CADPS2: variants seen among roughly 807,000 people sequenced by gnomAD.
CADPS2 encodes the protein calcium-dependent secretion activator 2.
CADPS2 carries 93 observed loss-of-function variants against 172.5 expected under a neutral mutation model. The observed-to-expected ratio is 0.54, with a 90% CI of 0.46 to 0.64. The LOEUF (loss-of-function observed/expected upper bound fraction) is 0.64. CADPS2 is among the 30% of genes least tolerant of loss of function. CADPS2 has a pLI of 0.00. For missense variants in CADPS2, 1,420 were observed against 1,565.9 expected (o/e 0.91, Z 1.57); for synonymous variants, 546 against 555.2 (o/e 0.98, Z 0.23).
At chr7:122,444,943 G>A (rs997402431) in intron 15 of CADPS2, among the ~76,000 whole-genome samples, 1 of 152,062 alleles carries the variant, frequency 6.6e-6, no homozygotes, top group East Asian at 1.9e-4. Context: ...TTATGGGTGA[G>A]GTATGAATTG....
chr7:122,500,348 T>C (rs1345339857), intron 9 of CADPS2, among the ~76,000 whole-genome samples: 1 of 152,196 alleles, frequency 6.6e-6, no homozygotes, highest in South Asian at 2.1e-4. Flanking sequence ...TTCAATTCAG[T>C]AAATATTCTG....
intron 25 of CADPS2, 54 bp downstream of exon 25, chr7:122,379,314 C>A (rs1280976545): frequency 3.6e-6 from 4 of 1,102,400 alleles, no homozygotes; most frequent in Non-Finnish European, 5.3e-6. Flanking sequence ...TTAAAAAATT[C>A]TCCATTGACA....
At chr7:122,632,078 A>G (rs892703140) in intron 3 of CADPS2, among the ~76,000 whole-genome samples, 5 of 152,132 alleles carry the variant, frequency 3.3e-5, no homozygotes, top group Admixed American at 3.3e-4. Flanking sequence ...ATGTATATAT[A>G]AAATATTTTC....
intron 1 of CADPS2, among the ~76,000 whole-genome samples, chr7:122,834,483 G>A (rs1306436664): frequency 6.6e-6 from 1 of 152,126 alleles, no homozygotes; most frequent in Non-Finnish European, 1.5e-5. Context: ...GAAGCAGGGT[G>A]AGGCAATGCC....
chr7:122,694,325 A>G (rs1040515538), intron 2 of CADPS2, among the ~76,000 whole-genome samples: 13 of 152,184 alleles, frequency 8.5e-5, no homozygotes, highest in African/African-American at 2.9e-4. Flanking sequence ...ATGCAGAGGG[A>G]ATTCTGAAAA....
At chr7:122,558,714 A>G (rs142383162) in intron 7 of CADPS2, among the ~76,000 whole-genome samples, 1 of 152,314 alleles carries the variant, frequency 6.6e-6, no homozygotes, top group Non-Finnish European at 1.5e-5. Context: ...AGAAATGTTT[A>G]GAGTGATATG....
At chr7:122,395,197 T>C (rs556757202) in intron 20 of CADPS2, among the ~76,000 whole-genome samples, 1 of 152,324 alleles carries the variant, frequency 6.6e-6, no homozygotes, top group South Asian at 2.1e-4. Flanking sequence ...GGCTTCGATA[T>C]GTTACTTTAT....
At chr7:122,396,893 T>C (rs2151532107) in intron 20 of CADPS2, among the ~76,000 whole-genome samples, 1 of 152,334 alleles carries the variant, frequency 6.6e-6, no homozygotes, top group South Asian at 2.1e-4. Context: ...GAAAAGTCCC[T>C]GGCTCAGAGC....
chr7:122,727,189 C>G (rs1043384459), intron 2 of CADPS2, among the ~76,000 whole-genome samples: 1 of 151,918 alleles, frequency 6.6e-6, no homozygotes, highest in Non-Finnish European at 1.5e-5. Context: ...TCTTTCTGAA[C>G]TGGGGTGCCA....
At chr7:122,579,679 C>T (rs1330129065) in intron 7 of CADPS2, among the ~76,000 whole-genome samples, 2 of 151,258 alleles carry the variant, frequency 1.3e-5, no homozygotes, top group African/African-American at 4.9e-5. Context: ...AATGAAAAAC[C>T]CTGATTAATA....
At chr7:122,442,530 C>T (rs970539558) in intron 15 of CADPS2, among the ~76,000 whole-genome samples, 2 of 152,170 alleles carry the variant, frequency 1.3e-5, no homozygotes, top group African/African-American at 4.8e-5. Flanking sequence ...ATAAATCAGG[C>T]ACTTGGTGGA....
chr7:122,554,743 T>G (rs2064811449), intron 7 of CADPS2, 54 bp from the exon 8 acceptor site: 1 of 1,407,564 alleles, frequency 7.1e-7, no homozygotes. Flanking sequence ...TGTCTATGGG[T>G]TGGAACTAAA....
intron 8 of CADPS2, among the ~76,000 whole-genome samples, chr7:122,539,718 C>T (rs1214860022): frequency 7.0e-6 from 1 of 143,848 alleles, no homozygotes; most frequent in Admixed American, 7.0e-5. Context: ...AAATGTAAAT[C>T]TTATAACTCT....
chr7:122,591,275 A>C (rs1242681782), intron 6 of CADPS2, among the ~76,000 whole-genome samples: 5 of 152,170 alleles, frequency 3.3e-5, no homozygotes, highest in Non-Finnish European at 5.9e-5. Flanking sequence ...AATCCAACTT[A>C]TAAGGAATGT....
At chr7:122,452,888 T>C (rs1407695248) in intron 14 of CADPS2, among the ~76,000 whole-genome samples, 2 of 152,170 alleles carry the variant, frequency 1.3e-5, no homozygotes, top group Non-Finnish European at 2.9e-5. Context: ...TATAATCATA[T>C]GTATGTGTGT....
At chr7:122,471,928 A>C (rs1203032429) in intron 13 of CADPS2, among the ~76,000 whole-genome samples, 1 of 152,206 alleles carries the variant, frequency 6.6e-6, no homozygotes, top group Non-Finnish European at 1.5e-5. Flanking sequence ...TTATAGATGA[A>C]ATTTCCTGCT....
chr7:122,600,801 A>G (rs1337305798), intron 6 of CADPS2, among the ~76,000 whole-genome samples: 1 of 152,226 alleles, frequency 6.6e-6, no homozygotes, highest in East Asian at 1.9e-4. Flanking sequence ...ATATTGGTTC[A>G]GTGGCCTTCA....
At chr7:122,459,094 A>G (rs2054143326) in intron 14 of CADPS2, among the ~76,000 whole-genome samples, 1 of 152,010 alleles carries the variant, frequency 6.6e-6, no homozygotes. Context: ...GTTTGTAAAT[A>G]TAATTATAAT....
At chr7:122,735,168 G>T (rs2092056103) in intron 2 of CADPS2, among the ~76,000 whole-genome samples, 1 of 152,072 alleles carries the variant, frequency 6.6e-6, no homozygotes, top group East Asian at 1.9e-4. Context: ...AAGTTGTGAT[G>T]CTATACTCAA....
Sources: allele counts gnomAD v4.1 joint callset (sites outside exome capture counted in the v4.1 genomes callset), GRCh38; gene constraint gnomAD v4.1.1; transcripts MANE v1.5; gene names NCBI Gene and HGNC (gene_info 2026-07-23, HGNC 2026-07-21).